Variants in CCDC171 observed in about 807,000 individuals in gnomAD.
CCDC171 encodes the protein coiled-coil domain containing 171.
Under a neutral mutation model 168.2 loss-of-function variants are expected in CCDC171, and 177 were observed. That is an observed-to-expected ratio of 1.05 (90% CI 0.93 to 1.19). The LOEUF is 1.19. CCDC171 is among the 50% of genes most tolerant of loss of function. The probability of loss-of-function intolerance (pLI) is 0.00; values close to 1 mark genes in which losing one functional copy is unlikely to be tolerated. For synonymous variants in CCDC171, 687 were observed against 540.8 expected (o/e 1.27, Z -3.75); for missense variants, 1,991 against 1,539.0 (o/e 1.29, Z -4.91).
At chr9:15,918,708 A>G in intron 24 of CCDC171, among the ~76,000 whole-genome samples, 1 of 151,318 alleles carries the variant, frequency 6.6e-6, no homozygotes, top group Middle Eastern at 3.4e-3. Flanking sequence ...ATAAATTAAC[A>G]TTTGTGTACT....
chr9:15,695,426 C>A, intron 11 of CCDC171, 89 bp downstream of exon 11: 1 of 874,030 alleles, frequency 1.1e-6, no homozygotes, highest in Non-Finnish European at 2.0e-6. Flanking sequence ...TCTTGTAGTC[C>A]CTCATCTCAA....
chr9:15,784,346 T>G (rs987198472), intron 20 of CCDC171, among the ~76,000 whole-genome samples, 163 bp from the exon 21 acceptor site: 2 of 152,190 alleles, frequency 1.3e-5, no homozygotes, highest in African/African-American at 4.8e-5. Context: ...ATCACAGTAG[T>G]ATTTTTATCT....
At position 15,581,134 on chromosome 9, in the gene CCDC171, A is replaced by G. The variant is rs1055793587; in HGVS notation, c.352+2111A>G. 2.6e-5 allele frequency among the ~76,000 whole-genome samples: 4 copies of G among 152,310 alleles called. No homozygotes were observed. The South Asian group carries it at 6.2e-4, about 24-fold the overall frequency. On this transcript the variant is annotated intron_variant, in intron 4 of 25. Transcript: ENST00000380701. ...AAATTGCAAGCATTCCTATACACCAATAACAGACAAACAGAGAGCCAAATC... is the reference window on the plus strand; with the variant it reads ...AAATTGCAAGCATTCCTATACACCAGTAACAGACAAACAGAGAGCCAAATC...
At position 15,821,464 on chromosome 9, in the gene CCDC171, G is replaced by A. The variant is rs543404310; in HGVS notation, c.3268-25238G>A. On this transcript the variant is annotated intron_variant, in intron 21 of 25. Coordinates refer to ENST00000380701, the MANE Select transcript of CCDC171 (RefSeq NM_173550.4). ...CATCGTCTCAGCCCAAAATCTCCTT[G>A]AGCTGATAAGCAACTTCAGCAAAGT... Among the ~76,000 whole-genome samples the A allele has an allele frequency of 8.1e-4, 92 of 114,118 alleles. 26 individuals carry two copies. The highest frequency in any genetic ancestry group is 2.9e-3 in the African/African-American group (87 of 29,676). 74.9% of individuals were successfully genotyped at this position (114,118 alleles called of 152,430 possible).
At chr9:15,645,442 C>G (rs968818157) in intron 7 of CCDC171, among the ~76,000 whole-genome samples, 2 of 152,196 alleles carry the variant, frequency 1.3e-5, no homozygotes, top group African/African-American at 4.8e-5. Context: ...TAATAACAAA[C>G]TGCTCTGAGC....
chr9:15,830,706 T>C (rs955231189), intron 21 of CCDC171, among the ~76,000 whole-genome samples: 1 of 152,230 alleles, frequency 6.6e-6, no homozygotes, highest in African/African-American at 2.4e-5. Context: ...GTAAAGTGAT[T>C]GGATATTGAA....
chr9:15,931,624 A>C (rs1424324105), intron 25 of CCDC171, among the ~76,000 whole-genome samples: 1 of 150,704 alleles, frequency 6.6e-6, no homozygotes, highest in Non-Finnish European at 1.5e-5. Context: ...GTTTAGTTTG[A>C]TGTAATCACA....
rs1177874275 is a variant in CCDC171, at chr9:15,730,183, C to T, written c.2049+385C>T. 2.6e-5 allele frequency among the ~76,000 whole-genome samples: 4 copies of T among 151,430 alleles called. No individual in the cohort carries two copies. The South Asian group carries it at 6.2e-4, about 24-fold the overall frequency. On this transcript the variant is annotated intron_variant, in intron 16 of 25. Coordinates refer to ENST00000380701, the MANE Select transcript of CCDC171 (RefSeq NM_173550.4). ...TGGTTTACTCCATTTGTGGAGGTTC[C>T]TATGTGAACCATCATTTAAATTTAT...
chr9:15,842,066 A>T (rs2060702208), intron 21 of CCDC171, among the ~76,000 whole-genome samples: 1 of 129,230 alleles, frequency 7.7e-6, no homozygotes, highest in South Asian at 2.6e-4. Context: ...TTTTCTTTAA[A>T]TGTTATCTTT....
chr9:15,774,140 G>A (rs56818091), intron 18 of CCDC171, among the ~76,000 whole-genome samples: 4,121 of 150,798 alleles, frequency 0.027, 185 homozygotes, highest in African/African-American at 0.096. Flanking sequence ...CAGCTACTCG[G>A]GAGGCTGAAG....
intron 21 of CCDC171, among the ~76,000 whole-genome samples, chr9:15,788,318 G>C (rs1460146163): frequency 6.6e-6 from 1 of 152,118 alleles, no homozygotes; most frequent in East Asian, 1.9e-4. Context: ...TTATGAGAAT[G>C]AATTAAGATT....
intron 7 of CCDC171, among the ~76,000 whole-genome samples, chr9:15,650,073 A>G (rs2047385796): frequency 1.3e-5 from 2 of 152,218 alleles, no homozygotes; most frequent in African/African-American, 2.4e-5. Context: ...GCAGCCATAA[A>G]AAAGGATGAG....
At chr9:15,559,172 A>G (rs938229542) in intron 1 of CCDC171, among the ~76,000 whole-genome samples, 4 of 152,160 alleles carry the variant, frequency 2.6e-5, no homozygotes, top group African/African-American at 7.2e-5. Flanking sequence ...CAATTTTGGA[A>G]TAAGTGTGAT....
intron 1 of CCDC171, among the ~76,000 whole-genome samples, chr9:15,557,811 G>C (rs1480973972): frequency 2.0e-5 from 3 of 152,090 alleles, no homozygotes; most frequent in East Asian, 3.8e-4. Context: ...TCCCTGTCTT[G>C]TGCCAGTTTT....
intron 25 of CCDC171, among the ~76,000 whole-genome samples, chr9:15,955,247 A>T (rs777814136): frequency 2.1e-4 from 32 of 152,106 alleles, no homozygotes; most frequent in Non-Finnish European, 3.8e-4. Context: ...TTGCTTTTAA[A>T]TCTTAGTTCT....
intron 11 of CCDC171, among the ~76,000 whole-genome samples, chr9:15,697,632 A>G (rs1176368766): frequency 6.6e-6 from 1 of 152,200 alleles, no homozygotes; most frequent in Non-Finnish European, 1.5e-5. Context: ...TGTTTATACT[A>G]TAGTGTAGTC....
chr9:15,905,563 G>T (rs887680462), intron 24 of CCDC171, among the ~76,000 whole-genome samples: 30 of 152,070 alleles, frequency 2.0e-4, no homozygotes, highest in Non-Finnish European at 1.5e-5. Context: ...GCCCACAAGA[G>T]AAAGCAGGAA....
chr9:15,554,193 T>G lies in CCDC171; in HGVS notation c.-112+891T>G, dbSNP rs576868028. On this transcript the variant is annotated intron_variant, in intron 1 of 25. Coordinates refer to ENST00000380701, the MANE Select transcript of CCDC171 (RefSeq NM_173550.4). Reference sequence around the variant, plus strand: ...CGCCGCCACGCCCGGCTAATTTTTTTGTATTTTTAGTGGAGACGGGGTTTC... The same window carrying G: ...CGCCGCCACGCCCGGCTAATTTTTTGGTATTTTTAGTGGAGACGGGGTTTC... Among the ~76,000 whole-genome samples the G allele has an allele frequency of 1.5e-3, 223 of 152,260 alleles. 1 individual carries two copies. The highest frequency in any genetic ancestry group is 5.2e-3 in the African/African-American group (218 of 41,580).
At chr9:15,906,595 C>G (rs947741437) in intron 24 of CCDC171, among the ~76,000 whole-genome samples, 1 of 152,140 alleles carries the variant, frequency 6.6e-6, no homozygotes, top group Non-Finnish European at 1.5e-5. Flanking sequence ...TGGAAGCATT[C>G]CCTCTGAAAA....
Sources: allele counts gnomAD v4.1 joint callset (sites outside exome capture counted in the v4.1 genomes callset), GRCh38; gene constraint gnomAD v4.1.1; transcripts MANE v1.5; gene names NCBI Gene and HGNC (gene_info 2026-07-23, HGNC 2026-07-21).